CERS6: variants seen among roughly 807,000 people sequenced by gnomAD.
CERS6 encodes the protein LAG1 homolog, ceramide synthase 6.
A neutral mutation model predicts 56.8 loss-of-function variants in CERS6; 26 were observed. The observed-to-expected ratio is 0.46, with a 90% CI of 0.34 to 0.63. The LOEUF is 0.63. Ranked by LOEUF, CERS6 falls within the 30% of genes least tolerant of loss-of-function variation. The pLI, the probability that CERS6 is intolerant of heterozygous loss-of-function variation, is 0.01. For synonymous variants in CERS6, 164 were observed against 173.3 expected (o/e 0.95, Z 0.42); for missense variants, 415 against 467.5 (o/e 0.89, Z 1.04).
intron 8 of CERS6, among the ~76,000 whole-genome samples, chr2:168,730,038 TG>T (rs1159162279): frequency 5.9e-5 from 9 of 152,220 alleles, no homozygotes. Flanking sequence ...CCCTGCAGTT[TG>T]GCACAATGAC....
chr2:168,773,811 C>T lies in CERS6; in HGVS notation c.*4149C>T, dbSNP rs1684926469. 6.6e-6 allele frequency: 1 copy of T among 152,192 alleles called. No individual in the cohort carries two copies. The highest frequency in any genetic ancestry group is 6.5e-5 in the Admixed American group (1 of 15,278). The allele number at this position is 152,192 out of a possible 1,614,324, so 9.4% of individuals were successfully genotyped here. On this transcript the variant is annotated 3_prime_UTR_variant, in exon 10 of 10. Transcript: ENST00000305747. The stretch of plus-strand genomic sequence containing the variant: ...GTTCACTGGCCACATTTTAGTTCTT[C>T]ATAATAATAGGCCACAAAAGGGCTC...
At chr2:168,527,145 C>G (rs1416395568) in intron 1 of CERS6, among the ~76,000 whole-genome samples, 1 of 152,218 alleles carries the variant, frequency 6.6e-6, no homozygotes, top group Non-Finnish European at 1.5e-5. Flanking sequence ...ACATGCTTAT[C>G]CTGTTTGCCT....
At chr2:168,710,323 C>T (rs1687059261) in intron 6 of CERS6, among the ~76,000 whole-genome samples, 1 of 151,922 alleles carries the variant, frequency 6.6e-6, no homozygotes, top group Admixed American at 6.6e-5. Context: ...AGAGAAAAAC[C>T]CTTGTTCTCT....
chr2:168,741,773 C>A (rs1462018540), intron 8 of CERS6, among the ~76,000 whole-genome samples: 1 of 152,192 alleles, frequency 6.6e-6, no homozygotes, highest in Non-Finnish European at 1.5e-5. Context: ...TTGCTATTCA[C>A]ATGAAAAGAC....
chr2:168,645,392 G>C (rs1247878186), intron 4 of CERS6, among the ~76,000 whole-genome samples: 1 of 151,250 alleles, frequency 6.6e-6, no homozygotes, highest in Non-Finnish European at 1.5e-5. Context: ...GGGGCGAAAA[G>C]AGGTACATCC....
At chr2:168,472,532 G>A (rs1368804864) in intron 1 of CERS6, among the ~76,000 whole-genome samples, 1 of 152,114 alleles carries the variant, frequency 6.6e-6, no homozygotes, top group African/African-American at 2.4e-5. Context: ...ATGTGTGTGT[G>A]TGTTTATGTA....
intron 1 of CERS6, among the ~76,000 whole-genome samples, chr2:168,537,554 T>A (rs932805444): frequency 6.6e-6 from 1 of 152,192 alleles, no homozygotes; most frequent in Non-Finnish European, 1.5e-5. Context: ...AAAAAATCAA[T>A]GTATTATAGA....
chr2:168,558,011 A>G (rs1695715135), intron 2 of CERS6, among the ~76,000 whole-genome samples: 1 of 152,196 alleles, frequency 6.6e-6, no homozygotes, highest in Non-Finnish European at 1.5e-5. Flanking sequence ...AAATGGAAAT[A>G]CAGTTGATTT....
At position 168,745,018 on chromosome 2, in the gene CERS6, G is replaced by T. The variant is rs530708242; in HGVS notation, c.846-20574G>T. ...GAAGCTCCCCAGGTGATTCAAGTGA[G>T]CAGGCAGGTTGGGAACCATCAGCCT... is the stretch of plus-strand genomic sequence containing the variant. On this transcript the variant is annotated intron_variant, in intron 8 of 9. Coordinates refer to ENST00000305747, the MANE Select transcript of CERS6 (RefSeq NM_203463.3). Among the ~76,000 whole-genome samples the T allele has an allele frequency of 3.9e-5, 6 of 152,288 alleles. No homozygotes were observed. In the East Asian group the frequency reaches 1.2e-3, roughly 29 times the overall value.
At chr2:168,619,966 T>C (rs1684421310) in intron 3 of CERS6, among the ~76,000 whole-genome samples, 1 of 147,406 alleles carries the variant, frequency 6.8e-6, no homozygotes, top group African/African-American at 2.5e-5. Flanking sequence ...ACACAGTTTA[T>C]TTATCCCCTC....
intron 4 of CERS6, among the ~76,000 whole-genome samples, chr2:168,640,753 A>G (rs1158096185): frequency 1.3e-5 from 2 of 152,240 alleles, no homozygotes; most frequent in African/African-American, 4.8e-5. Context: ...GGAATGTTGC[A>G]TTAAGGAGAT....
In CERS6 at chr2:168,456,954, C is replaced by T. The variant is rs1693677794; in HGVS notation, c.170+336C>T. Among the ~76,000 whole-genome samples the T allele has an allele frequency of 6.6e-6, 1 of 152,224 alleles. No homozygotes were observed. The highest frequency in any genetic ancestry group is 1.5e-5 in the Non-Finnish European group (1 of 68,028). ...CGGGCTCAGGACCCGCCGCATTCCG[C>T]GGGGCTCGCCCCTCTCCGCCGGCGC... On this transcript the variant is annotated intron_variant, in intron 1 of 9. Transcript: ENST00000305747. The surrounding 1 kb of genome is among the most constrained non-coding windows in gnomAD (Gnocchi z 4.1).
At chr2:168,554,001 T>G (rs1256097996) in intron 2 of CERS6, among the ~76,000 whole-genome samples, 2 of 152,162 alleles carry the variant, frequency 1.3e-5, no homozygotes, top group African/African-American at 2.4e-5. Flanking sequence ...GATAATATTA[T>G]TGACTATTGT....
intron 8 of CERS6, among the ~76,000 whole-genome samples, chr2:168,759,465 G>A (rs1684507321): frequency 6.6e-6 from 1 of 152,106 alleles, no homozygotes; most frequent in African/African-American, 2.4e-5. Context: ...GGTCCCTTCT[G>A]CCTCTATACT....
At chr2:168,504,282 C>T (rs184965494) in intron 1 of CERS6, among the ~76,000 whole-genome samples, 3 of 152,070 alleles carry the variant, frequency 2.0e-5, no homozygotes, top group East Asian at 3.9e-4. Context: ...ATCTACCAAC[C>T]GTCCCAGCTA....
intron 1 of CERS6, among the ~76,000 whole-genome samples, chr2:168,489,557 A>G (rs1694331206): frequency 6.7e-6 from 1 of 149,396 alleles, no homozygotes; most frequent in Non-Finnish European, 1.5e-5. Flanking sequence ...GGCTCAGCTC[A>G]TTTGTCTCAA....
intron 1 of CERS6, among the ~76,000 whole-genome samples, chr2:168,470,173 AC>A (rs1216827206): frequency 2.7e-5 from 4 of 148,534 alleles, no homozygotes; most frequent in Non-Finnish European, 5.9e-5. Flanking sequence ...GGAGTTTGAG[AC>A]CAACCTGAGC....
chr2:168,499,227 C>T (rs531969932), intron 1 of CERS6, among the ~76,000 whole-genome samples: 7 of 152,272 alleles, frequency 4.6e-5, no homozygotes, highest in Admixed American at 3.3e-4. Context: ...TGGAGGTGGG[C>T]AGGCACTAAG....
At chr2:168,579,951 A>G (rs1034923481) in intron 3 of CERS6, among the ~76,000 whole-genome samples, 1 of 152,138 alleles carries the variant, frequency 6.6e-6, no homozygotes, top group African/African-American at 2.4e-5. Flanking sequence ...CCCCCAATCC[A>G]TAGTCCCCTT....
Sources: allele counts gnomAD v4.1 joint callset (sites outside exome capture counted in the v4.1 genomes callset), GRCh38; gene constraint gnomAD v4.1.1; non-coding constraint Gnocchi (gnomAD v3.1); transcripts MANE v1.5; gene names NCBI Gene and HGNC (gene_info 2026-07-23, HGNC 2026-07-21).